The following MED22 variants were observed in gnomAD, a reference collection of about 807,000 sequenced individuals.
MED22 encodes mediator of RNA polymerase II transcription subunit 22.
In MED22, 22 loss-of-function variants were observed where a neutral mutation model predicts 22.7. That is an observed-to-expected ratio of 0.97 (90% CI 0.69 to 1.38). The LOEUF (loss-of-function observed/expected upper bound fraction) is 1.38. Among genes scored for constraint, MED22 ranks in the 40% most tolerant of loss-of-function variants. The probability of loss-of-function intolerance (pLI) is 0.00; values close to 1 mark genes in which losing one functional copy is unlikely to be tolerated. For synonymous variants in MED22, 134 were observed against 119.4 expected (o/e 1.12, Z -0.80); for missense variants, 247 against 263.0 (o/e 0.94, Z 0.42).
chr9:133,341,727 A>G (rs2129950627), intron 4 of MED22, 33 bp from the exon 5 acceptor site: 2 of 1,588,934 alleles, frequency 1.3e-6, no homozygotes, highest in South Asian at 1.1e-5. Context: ...AGGGAGAGAC[A>G]GGAGCAGGCA....
chr9:133,345,013 G>A (rs2129963388), intron 3 of MED22, among the ~76,000 whole-genome samples, 159 bp downstream of exon 3: 6 of 151,870 alleles, frequency 4.0e-5, no homozygotes, highest in Non-Finnish European at 7.4e-5. Flanking sequence ...TAAAGCTGCC[G>A]AGTGGTGAAA....
chr9:133,344,362 A>G, intron 3 of MED22, 29 bp from the exon 4 acceptor site: 1 of 1,611,760 alleles, frequency 6.2e-7, no homozygotes, highest in Non-Finnish European at 8.5e-7. Context: ...GGGCGGGCAC[A>G]GGGTGAGGGG....
In MED22 at chr9:133,348,018, C is replaced by T; in HGVS notation, c.-135G>A. 2 of 629,034 alleles carry T rather than the reference C, an allele frequency of 3.2e-6. No homozygotes were observed. The highest frequency in any genetic ancestry group is 2.8e-6 in the Non-Finnish European group (1 of 355,698). The allele number at this position is 629,034 out of a possible 1,614,324, so 39.0% of individuals were successfully genotyped here. Reference sequence around the variant, plus strand: ...GCGACCCGCACTTTCCCGCGTCTCTCCCACGGCCTGGCCCTCCCGCCGCAG... The same window carrying T: ...GCGACCCGCACTTTCCCGCGTCTCTTCCACGGCCTGGCCCTCCCGCCGCAG... On this transcript the variant is annotated 5_prime_UTR_variant, in exon 1 of 5. Coordinates refer to ENST00000343730, the MANE Select transcript of MED22 (RefSeq NM_133640.5).
At chr9:133,341,753 G>A in intron 4 of MED22, 59 bp from the exon 5 acceptor site, 1 of 1,576,338 alleles carries the variant, frequency 6.3e-7, no homozygotes, top group Non-Finnish European at 8.6e-7. Context: ...GAAAGCCAGG[G>A]GAGGGGAGAG....
intron 4 of MED22, chr9:133,343,369 T>C: frequency 4.9e-6 from 6 of 1,230,224 alleles, no homozygotes; most frequent in Non-Finnish European, 4.1e-6. Flanking sequence ...CCAGCCTAAG[T>C]TTCCCCCTAA....
chr9:133,342,546 C>T (rs2129953755), intron 4 of MED22: 465 of 985,728 alleles, frequency 4.7e-4, no homozygotes, highest in Middle Eastern at 1.0e-3. Context: ...GCAGCTCATG[C>T]GGAACAGGGC....
At position 133,344,230 on chromosome 9, in the gene MED22, T is replaced by A. The variant is rs2129960731; in HGVS notation, c.308A>T (p.Gln103Leu). The change falls in exon 4 of 5, where the codon CAG becomes CTG. Residue 103 changes from glutamine (Q) to leucine (L), a missense_variant. Physicochemically the swap from Gln to Leu is moderately radical, Grantham distance 113 (BLOSUM62 -2). Coordinates refer to ENST00000343730, the MANE Select transcript of MED22 (RefSeq NM_133640.5). ...CTCCTCCTGCAGTGTGCGCAGCTGC[T>A]GGTTGCGCTGGTCAATGGCCTCGTT... is the stretch of plus-strand genomic sequence containing the variant. ...SVNEAIDQRN[Q>L]QLRTLQEECD... 6.2e-7 allele frequency: 1 copy of A among 1,614,238 alleles called. No homozygotes were observed. The highest frequency in any genetic ancestry group is 2.2e-5 in the East Asian group (1 of 44,892).
chr9:133,345,454 A>G (rs1588680451), intron 2 of MED22, among the ~76,000 whole-genome samples: 1 of 152,120 alleles, frequency 6.6e-6, no homozygotes, highest in East Asian at 1.9e-4. Flanking sequence ...TGTTCTGGCC[A>G]TGGGAGACAA....
chr9:133,341,441 T>C lies in MED22; in HGVS notation c.*64A>G. On this transcript the variant is annotated 3_prime_UTR_variant, in exon 5 of 5. Transcript: ENST00000343730. ...GAACCTAGGCTGAGAGAAGCAAGGC[T>C]GTGAGGGCATCCAAAGGGCTGCCTC... is the stretch of plus-strand genomic sequence containing the variant. 7.0e-7 allele frequency: 1 copy of C among 1,420,830 alleles called. No homozygotes were observed. Among genetic ancestry groups the C allele is most frequent in the Non-Finnish European group, 9.2e-7 (1 of 1,089,382 alleles). The allele number at this position is 1,420,830 out of a possible 1,614,324, so 88.0% of individuals were successfully genotyped here.
At position 133,348,114 on chromosome 9, in the gene MED22, T is replaced by G; in HGVS notation, c.-231A>C. Reference sequence around the variant, plus strand: ...CGCAGCCTCTCGGCCCCGCCTCGATTTTTAGCTTTATAGGAATGCTGTTGC... The same window carrying G: ...CGCAGCCTCTCGGCCCCGCCTCGATGTTTAGCTTTATAGGAATGCTGTTGC... On this transcript the variant is annotated 5_prime_UTR_variant, in exon 1 of 5. Coordinates refer to ENST00000343730, the MANE Select transcript of MED22 (RefSeq NM_133640.5). 2 of 1,373,590 alleles carry G rather than the reference T, an allele frequency of 1.5e-6. No homozygotes were observed. Among genetic ancestry groups the G allele is most frequent in the Non-Finnish European group, 2.1e-6 (2 of 966,234 alleles). The allele number at this position is 1,373,590 out of a possible 1,614,324, so 85.1% of individuals were successfully genotyped here. A position where few individuals can be genotyped will look rare whatever the true frequency, so the allele number is the denominator to read the frequency against.
rs2129964321 is a variant in MED22 at position 133,345,216 on chromosome 9, C to T, written c.160G>A (p.Gly54Ser). ...TGCATCTCGTAATTGTCCTGTTCAC[C>T]CTGAGTGGCCCGTGACACCTGCGTC... ...DETQVSRATQ[G>S]EQDNYEMHVR... Residue 54 changes from glycine to serine, a missense_variant, in exon 3 of 5, where the codon GGT (glycine) becomes AGT (serine). By Grantham distance (56) the Gly-to-Ser change is moderately conservative. Transcript: ENST00000343730. The T allele has an allele frequency of 5.6e-6, 9 of 1,613,880 alleles. No individual in the cohort carries two copies. The highest frequency in any genetic ancestry group is 1.6e-4 in the Middle Eastern group (1 of 6,084).
In MED22 at chr9:133,348,012, G is replaced by C; in HGVS notation, c.-129C>G. 1 of 604,616 alleles carries C rather than the reference G, an allele frequency of 1.7e-6. No individual in the cohort carries two copies. The highest frequency in any genetic ancestry group is 2.9e-6 in the Non-Finnish European group (1 of 341,332). The allele number at this position is 604,616 out of a possible 1,614,324, so 37.5% of individuals were successfully genotyped here. A position where few individuals can be genotyped will look rare whatever the true frequency, so the allele number is the denominator to read the frequency against. ...GCCTCTGCGACCCGCACTTTCCCGC[G>C]TCTCTCCCACGGCCTGGCCCTCCCG... On this transcript the variant is annotated 5_prime_UTR_variant, in exon 1 of 5. Transcript: ENST00000343730.
chr9:133,342,700 G>A (rs2129954586), intron 4 of MED22: 26 of 985,832 alleles, frequency 2.6e-5, no homozygotes, highest in Middle Eastern at 1.0e-3. Flanking sequence ...CCCCCCAGGG[G>A]GCGCTGGTGT....
At position 133,341,272 on chromosome 9, in the gene MED22, A is replaced by G. The variant is rs899127619; in HGVS notation, c.*233T>C. On this transcript the variant is annotated 3_prime_UTR_variant, in exon 5 of 5. Coordinates refer to ENST00000343730, the MANE Select transcript of MED22 (RefSeq NM_133640.5). ...CTGGCTGGCCAGGAAGGCAGCAAAC[A>G]GAGATGATGACTCGGAATGATGGGC... The G allele has an allele frequency of 6.9e-6, 3 of 436,840 alleles. No individual in the cohort carries two copies. Among genetic ancestry groups the G allele is most frequent in the Non-Finnish European group, 1.2e-5 (3 of 253,374 alleles). 27.1% of individuals were successfully genotyped at this position (436,840 alleles called of 1,614,324 possible).
chr9:133,342,338 G>A (rs2129952904), intron 4 of MED22: 23 of 985,976 alleles, frequency 2.3e-5, no homozygotes, highest in African/African-American at 7.0e-5. Flanking sequence ...ATCCACGCTC[G>A]CCTCTTTCTA....
At position 133,345,066 on chromosome 9, in the gene MED22, GGAA is replaced by G. The variant is rs1220330069; in HGVS notation, c.204+103_204+105del. On this transcript the variant is annotated intron_variant, in intron 3 of 4. Coordinates refer to ENST00000343730, the MANE Select transcript of MED22 (RefSeq NM_133640.5). The stretch of plus-strand genomic sequence containing the variant: ...TTGCCTCCTTCTGCTCCTTCTCGGG[GGAA>G]GAAGACCAGACCAGCCCCAGAGCCC... The G allele has an allele frequency of 5.5e-6, 6 of 1,087,114 alleles. No individual in the cohort carries two copies. In the African/African-American group the frequency reaches 6.3e-5, roughly 11 times the overall value. The allele number at this position is 1,087,114 out of a possible 1,614,324, so 67.3% of individuals were successfully genotyped here. A position where few individuals can be genotyped will look rare whatever the true frequency, so the allele number is the denominator to read the frequency against.
chr9:133,346,392 T>G, intron 2 of MED22, 148 bp downstream of exon 2: 1 of 933,538 alleles, frequency 1.1e-6, no homozygotes, highest in Non-Finnish European at 1.6e-6. Flanking sequence ...CGTGCCATTA[T>G]TTGGTTTGCT....
Position 133,341,964 on chromosome 9 carries a change from C to T in MED22, c.414-270G>A. ...GCTGTGTGACCTCAGCAGGCCCTTC[C>T]TGCCCAGCCTCCACGTGGGCCTGTC... is the stretch of plus-strand genomic sequence containing the variant. On this transcript the variant is annotated intron_variant, in intron 4 of 4. Coordinates refer to ENST00000343730, the MANE Select transcript of MED22 (RefSeq NM_133640.5). 3.2e-6 allele frequency: 4 copies of T among 1,251,912 alleles called. No homozygotes were observed. In the South Asian group the frequency reaches 7.7e-5, roughly 24 times the overall value. The allele number at this position is 1,251,912 out of a possible 1,614,324, so 77.6% of individuals were successfully genotyped here. A position where few individuals can be genotyped will look rare whatever the true frequency, so the allele number is the denominator to read the frequency against.
At chr9:133,342,653 G>A (rs1836042223) in intron 4 of MED22, 3 of 985,776 alleles carry the variant, frequency 3.0e-6, no homozygotes, top group Admixed American at 6.1e-5. Context: ...AATGTACAGA[G>A]GAGGGCAACT....
Sources: gnomAD v4.1 joint callset for allele counts (sites outside exome capture counted in the v4.1 genomes callset) on GRCh38, gnomAD v4.1.1 for gene constraint, MANE v1.5 for transcripts, NCBI Gene and HGNC (gene_info 2026-07-23, HGNC 2026-07-21) for gene names.